GALNT17: variants seen among roughly 807,000 people sequenced by gnomAD.
GALNT17 encodes UDP-GalNAc:polypeptide N-acetylgalactosaminyltransferase-like 3.
A neutral mutation model predicts 63.7 loss-of-function variants in GALNT17; 29 were observed. That is an observed-to-expected ratio of 0.46 (90% confidence interval 0.34 to 0.62). The LOEUF (loss-of-function observed/expected upper bound fraction) is 0.62. Ranked by LOEUF, GALNT17 falls within the 20% of genes least tolerant of loss-of-function variation. The probability of loss-of-function intolerance (pLI) is 0.01; values close to 1 mark genes in which losing one functional copy is unlikely to be tolerated. For missense variants in GALNT17, 603 were observed against 799.6 expected (o/e 0.75, Z 2.97); for synonymous variants, 305 against 318.3 (o/e 0.96, Z 0.45).
intron 9 of GALNT17, among the ~76,000 whole-genome samples, chr7:71,701,254 A>C (rs780025854): frequency 6.6e-6 from 1 of 152,270 alleles, no homozygotes; most frequent in South Asian, 2.1e-4. Context: ...TGGGAGGCCG[A>C]GGTAGGCAGA....
chr7:71,153,744 CA>C, intron 1 of GALNT17, among the ~76,000 whole-genome samples: 1 of 152,054 alleles, frequency 6.6e-6, no homozygotes, highest in East Asian at 1.9e-4. Context: ...TGGTGAAACC[CA>C]GTCTCTACTA....
At chr7:71,424,612 G>A (rs2116465217) in intron 5 of GALNT17, among the ~76,000 whole-genome samples, 1 of 152,316 alleles carries the variant, frequency 6.6e-6, no homozygotes, top group Non-Finnish European at 1.5e-5. Context: ...GTACAAAATA[G>A]AATCAAATGC....
At chr7:71,252,681 A>G (rs537515005) in intron 1 of GALNT17, among the ~76,000 whole-genome samples, 2 of 152,184 alleles carry the variant, frequency 1.3e-5, no homozygotes, top group African/African-American at 4.8e-5. Context: ...TAGATCATAC[A>G]TATATGTGTG....
At chr7:71,463,555 A>C (rs1287108669) in intron 5 of GALNT17, among the ~76,000 whole-genome samples, 1 of 152,212 alleles carries the variant, frequency 6.6e-6, no homozygotes, top group Non-Finnish European at 1.5e-5. Context: ...GGAATGAAAA[A>C]AAGGCTACTC....
In GALNT17 at chr7:71,712,152, G is replaced by A. The variant is rs762563729; in HGVS notation, c.*6G>A. ...TTAAGAACTCCATCAAGTAGAGGGA[G>A]GGAGCTGGGGCACTGGAGCCTGGCC... On this transcript the variant is annotated 3_prime_UTR_variant, in exon 11 of 11. Transcript: ENST00000333538. 17 of 1,610,794 alleles carry A rather than the reference G, an allele frequency of 1.1e-5. No homozygotes were observed. The South Asian group carries it at 1.2e-4, about 11-fold the overall frequency.
rs71089977 is a variant in GALNT17, at chr7:71,680,883, T to TCTTC, written c.1500+3586_1500+3589dup. 4.6e-3 allele frequency among the ~76,000 whole-genome samples: 668 copies of TCTTC among 144,902 alleles called. 11 individuals carry two copies. The highest frequency in any genetic ancestry group is 0.016 in the African/African-American group (631 of 39,410). ...CTTTCCTTCCTTCCTTCCTTCCTTT[T>TCTTC]CTTCCTTCCTTCATTTTCTTCTTTC... On this transcript the variant is annotated intron_variant, in intron 9 of 10. Coordinates refer to ENST00000333538, the MANE Select transcript of GALNT17 (RefSeq NM_022479.3).
chr7:71,191,756 G>A (rs1300010198), intron 1 of GALNT17, among the ~76,000 whole-genome samples: 1 of 152,068 alleles, frequency 6.6e-6, no homozygotes, highest in East Asian at 1.9e-4. Flanking sequence ...TAGGACTTTT[G>A]TGTGCCTGCA....
At chr7:71,394,690 C>T (rs1234191469) in intron 3 of GALNT17, among the ~76,000 whole-genome samples, 1 of 152,162 alleles carries the variant, frequency 6.6e-6, no homozygotes, top group Non-Finnish European at 1.5e-5. Context: ...AATTCGGGTG[C>T]ACAGAGGTAT....
chr7:71,165,976 T>C (rs1410975800), intron 1 of GALNT17, among the ~76,000 whole-genome samples: 1 of 152,056 alleles, frequency 6.6e-6, no homozygotes, highest in Non-Finnish European at 1.5e-5. Context: ...TTAAACTCTC[T>C]TCACCTCTTG....
rs370033327 is a variant in GALNT17 at position 71,145,868 on chromosome 7, G to A, written c.238+12828G>A. On this transcript the variant is annotated intron_variant, in intron 1 of 10. Coordinates refer to ENST00000333538, the MANE Select transcript of GALNT17 (RefSeq NM_022479.3). ...TTACAGGCGGCCGCCACCACACCCC[G>A]CTAATTTTTGTATTTTTAGTAGACA... Among the ~76,000 whole-genome samples the A allele has an allele frequency of 2.3e-3, 345 of 152,150 alleles. 2 individuals carry two copies. The highest frequency in any genetic ancestry group is 7.0e-3 in the African/African-American group (289 of 41,528).
At chr7:71,375,056 T>C (rs1174996057) in intron 2 of GALNT17, among the ~76,000 whole-genome samples, 2 of 152,006 alleles carry the variant, frequency 1.3e-5, no homozygotes, top group African/African-American at 4.8e-5. Flanking sequence ...GCCAGGCTGG[T>C]CTTGAACTCC....
chr7:71,363,514 TTTGA>T (rs1408842764), intron 2 of GALNT17, among the ~76,000 whole-genome samples: 6 of 152,266 alleles, frequency 3.9e-5, no homozygotes, highest in African/African-American at 1.4e-4. Flanking sequence ...CCCCATTCCC[TTTGA>T]TTGAGACCTT....
intron 5 of GALNT17, among the ~76,000 whole-genome samples, chr7:71,430,492 G>A (rs1377987492): frequency 6.6e-6 from 1 of 152,182 alleles, no homozygotes; most frequent in Non-Finnish European, 1.5e-5. Flanking sequence ...GTTGCTTTCA[G>A]GGCACTGGCT....
At chr7:71,376,425 G>GTGTTTTT (rs1792726642) in intron 2 of GALNT17, among the ~76,000 whole-genome samples, 7 of 63,360 alleles carry the variant, frequency 1.1e-4, no homozygotes, top group South Asian at 1.5e-3. Flanking sequence ...GTTTGGAGTT[G>GTGTTTTT]TTTTTTTTTT....
At chr7:71,601,305 G>A (rs186766745) in intron 6 of GALNT17, among the ~76,000 whole-genome samples, 36 of 152,160 alleles carry the variant, frequency 2.4e-4, no homozygotes, top group Admixed American at 2.0e-3. Flanking sequence ...AACAGTAGTG[G>A]GACTGCTGGA....
chr7:71,459,879 A>G (rs1376222563), intron 5 of GALNT17, among the ~76,000 whole-genome samples: 3 of 152,174 alleles, frequency 2.0e-5, no homozygotes, highest in Non-Finnish European at 2.9e-5. Context: ...GGTCTCCACA[A>G]TGTTTTATTT....
At chr7:71,273,892 A>G (rs1481282271) in intron 1 of GALNT17, among the ~76,000 whole-genome samples, 1 of 152,194 alleles carries the variant, frequency 6.6e-6, no homozygotes, top group African/African-American at 2.4e-5. Flanking sequence ...AGAGACACAC[A>G]GAAAGAGAAT....
chr7:71,533,479 T>G (rs552254359), intron 5 of GALNT17, among the ~76,000 whole-genome samples: 1 of 152,286 alleles, frequency 6.6e-6, no homozygotes, highest in Admixed American at 6.5e-5. Context: ...CTGAGCAACA[T>G]AGTTGATTAT....
intron 5 of GALNT17, among the ~76,000 whole-genome samples, chr7:71,449,371 T>C (rs752909915): frequency 5.9e-5 from 9 of 152,104 alleles, no homozygotes; most frequent in Non-Finnish European, 1.2e-4. Flanking sequence ...CCCAAAGTGC[T>C]TGATTTTCTT....
Sources: gnomAD v4.1 joint callset for allele counts (sites outside exome capture counted in the v4.1 genomes callset) on GRCh38, gnomAD v4.1.1 for gene constraint, MANE v1.5 for transcripts, NCBI Gene and HGNC (gene_info 2026-07-23, HGNC 2026-07-21) for gene names.